Variants in SLC14A2 observed in about 807,000 individuals in gnomAD.
SLC14A2 encodes the protein solute carrier family 14 member 2.
A neutral mutation model predicts 104.6 loss-of-function variants in SLC14A2; 91 were observed. The observed-to-expected ratio is 0.87, with a 90% CI of 0.73 to 1.04. SLC14A2 has a LOEUF of 1.04. Among genes scored for constraint, SLC14A2 ranks in the 50% least tolerant of loss-of-function variants. The pLI is 0.00. For synonymous variants in SLC14A2, 476 were observed against 466.4 expected, an observed-to-expected ratio of 1.02 and a Z score of -0.27; for missense variants, 1,189 against 1,156.0, an observed-to-expected ratio of 1.03 and a Z score of -0.41.
rs150589977 is a variant in SLC14A2, at chr18:45,347,686, A to G, written c.-125+134495A>G. Among the ~76,000 whole-genome samples the G allele has an allele frequency of 3.9e-4, 59 of 152,232 alleles. 1 individual carries two copies. The East Asian group carries it at 0.011, about 29-fold the overall frequency. ...GGAAGGTACCTCCTACCTTATTCTG[A>G]TACTTCCATCATCTTGAAGCTGTAG... On this transcript the variant is annotated intron_variant, in intron 1 of 20. Coordinates refer to the SLC14A2 transcript ENST00000586448.
At chr18:45,671,878 C>T (rs1394135158) in intron 16 of SLC14A2, among the ~76,000 whole-genome samples, 2 of 152,232 alleles carry the variant, frequency 1.3e-5, no homozygotes, top group Non-Finnish European at 2.9e-5. Context: ...CTCCAAAACA[C>T]AGTCCCTGTG....
At chr18:45,250,373 A>G (rs1207434607) in intron 1 of SLC14A2, among the ~76,000 whole-genome samples, 1 of 152,106 alleles carries the variant, frequency 6.6e-6, no homozygotes, top group Non-Finnish European at 1.5e-5. Context: ...TTATTCCATG[A>G]CTACTTTATA....
intron 10 of SLC14A2, among the ~76,000 whole-genome samples, chr18:45,657,831 G>A (rs1225514237): frequency 6.6e-6 from 1 of 152,140 alleles, no homozygotes; most frequent in Non-Finnish European, 1.5e-5. Context: ...AGAGTTTAGA[G>A]AATGATCTTT....
intron 2 of SLC14A2, among the ~76,000 whole-genome samples, chr18:45,560,163 A>G (rs2044182989): frequency 2.0e-5 from 3 of 152,208 alleles, no homozygotes; most frequent in Non-Finnish European, 1.5e-5. Flanking sequence ...GGGCAATAGC[A>G]TATATTTGGA....
the SLC14A2 span, among the ~76,000 whole-genome samples, chr18:45,189,741 G>A: frequency 7.2e-5 from 11 of 152,240 alleles, no homozygotes; most frequent in Non-Finnish European, 1.0e-4. Context: ...TAAGTGCTCA[G>A]TGACAGATGA....
At chr18:45,280,257 T>C (rs921609288) in intron 1 of SLC14A2, among the ~76,000 whole-genome samples, 1 of 152,042 alleles carries the variant, frequency 6.6e-6, no homozygotes, top group Non-Finnish European at 1.5e-5. Context: ...GCGCCGCTGA[T>C]GTGCACAACA....
At chr18:45,487,461 G>A (rs2087629368) in intron 2 of SLC14A2, among the ~76,000 whole-genome samples, 1 of 152,166 alleles carries the variant, frequency 6.6e-6, no homozygotes, top group Non-Finnish European at 1.5e-5. Context: ...TGGGGATTAG[G>A]GCACAGGCAT....
intron 1 of SLC14A2, among the ~76,000 whole-genome samples, chr18:45,361,972 G>A (rs2085616304): frequency 6.6e-6 from 1 of 152,208 alleles, no homozygotes; most frequent in Non-Finnish European, 1.5e-5. Flanking sequence ...GTTGGGCTCT[G>A]TGTTCCCACC....
intron 4 of SLC14A2, among the ~76,000 whole-genome samples, chr18:45,627,734 C>T (rs987901994): frequency 2.6e-5 from 4 of 152,140 alleles, no homozygotes; most frequent in Admixed American, 6.5e-5. Context: ...AAGGGCCAGG[C>T]ACGGTGGCTC....
intron 2 of SLC14A2, among the ~76,000 whole-genome samples, chr18:45,487,299 G>A (rs1028143751): frequency 6.6e-6 from 1 of 152,208 alleles, no homozygotes; most frequent in Non-Finnish European, 1.5e-5. Context: ...TCTGGCCACA[G>A]CCAAGAAAGG....
intron 2 of SLC14A2, among the ~76,000 whole-genome samples, chr18:45,567,685 G>A (rs567646586): frequency 5.5e-4 from 83 of 152,102 alleles, no homozygotes; most frequent in African/African-American, 1.8e-3. Flanking sequence ...CAAGCAAGCC[G>A]CCCACCTCTC....
intron 1 of SLC14A2, among the ~76,000 whole-genome samples, chr18:45,249,433 T>G (rs1265689731): frequency 6.6e-6 from 1 of 152,116 alleles, no homozygotes; most frequent in African/African-American, 2.4e-5. Context: ...TTTTTTAATA[T>G]TCTCAAAAAT....
chr18:45,435,109 G>A (rs2086575927), intron 1 of SLC14A2: 2 of 152,188 alleles, frequency 1.3e-5, no homozygotes, highest in South Asian at 4.1e-4. Context: ...CCTGGGCCTG[G>A]AGATAGGAAG....
Position 45,672,501 on chromosome 18 carries a change from C to G in SLC14A2, c.2230-399C>G, listed in dbSNP as rs191951211. 3.9e-3 allele frequency among the ~76,000 whole-genome samples: 587 copies of G among 151,630 alleles called. 7 individuals are homozygous for G. The highest frequency in any genetic ancestry group is 0.014 in the African/African-American group (568 of 41,268). ...CCAAGATCACGCCATTGCACTCCAG[C>G]CTGGGCAACAAGAGCGAAACTCCAT... On this transcript the variant is annotated intron_variant, in intron 16 of 19. Transcript: ENST00000255226.
intron 2 of SLC14A2, among the ~76,000 whole-genome samples, chr18:45,575,842 G>C (rs1445248653): frequency 6.9e-6 from 1 of 145,106 alleles, no homozygotes; most frequent in African/African-American, 2.6e-5. Flanking sequence ...GCTGGGCTCT[G>C]AATTTCCTCC....
intron 1 of SLC14A2, among the ~76,000 whole-genome samples, chr18:45,456,931 T>C (rs1250982612): frequency 6.6e-6 from 1 of 152,100 alleles, no homozygotes; most frequent in Non-Finnish European, 1.5e-5. Flanking sequence ...AAATGCTCTA[T>C]TATTCCACCC....
intron 2 of SLC14A2, among the ~76,000 whole-genome samples, chr18:45,513,098 C>T (rs1489861895): frequency 6.6e-6 from 1 of 152,154 alleles, no homozygotes; most frequent in Non-Finnish European, 1.5e-5. Context: ...AAGCAGTATC[C>T]TGAGAGTTCA....
At chr18:45,355,355 C>A (rs2085542351) in intron 1 of SLC14A2, among the ~76,000 whole-genome samples, 1 of 151,958 alleles carries the variant, frequency 6.6e-6, no homozygotes, top group Non-Finnish European at 1.5e-5. Flanking sequence ...GTGGGTGGAT[C>A]ACGAGGGCAG....
intron 1 of SLC14A2, among the ~76,000 whole-genome samples, chr18:45,286,718 T>TTGTGTGTGTGTGTGTGTGTG (rs112827861): frequency 1.9e-4 from 29 of 150,608 alleles, no homozygotes; most frequent in African/African-American, 5.6e-4. Context: ...TCCCCCCAAC[T>TTGTGTGTGTGTGTGTGTGTG]TGTGTGTGTG....
Sources: gnomAD v4.1 joint callset for allele counts (sites outside exome capture counted in the v4.1 genomes callset) on GRCh38, gnomAD v4.1.1 for gene constraint, MANE v1.5 for transcripts, NCBI Gene and HGNC (gene_info 2026-07-23, HGNC 2026-07-21) for gene names.